The following SH3GL2 variants were observed in gnomAD, a reference collection of about 807,000 sequenced individuals.
SH3GL2 encodes the protein SH3 domain containing GRB2 like 2, endophilin A1.
A neutral mutation model predicts 46.0 loss-of-function variants in SH3GL2; 24 were observed. The observed-to-expected ratio is 0.52, with a 90% CI of 0.38 to 0.73. The LOEUF (loss-of-function observed/expected upper bound fraction) is 0.73. Ranked by LOEUF, SH3GL2 falls within the 30% of genes least tolerant of loss-of-function variation. The pLI, the probability that SH3GL2 is intolerant of heterozygous loss-of-function variation, is 0.00. For missense variants in SH3GL2, 413 were observed against 424.2 expected (o/e 0.97, Z 0.23); for synonymous variants, 196 against 147.1 (o/e 1.33, Z -2.40).
At chr9:17,678,894 T>A (rs1433026853) in intron 1 of SH3GL2, among the ~76,000 whole-genome samples, 1 of 152,190 alleles carries the variant, frequency 6.6e-6, no homozygotes, top group Non-Finnish European at 1.5e-5. Flanking sequence ...AGGGAATCCT[T>A]TCCCCATTTC....
chr9:17,583,512 T>A (rs1474904743), intron 1 of SH3GL2, among the ~76,000 whole-genome samples: 1 of 152,230 alleles, frequency 6.6e-6, no homozygotes, highest in African/African-American at 2.4e-5. Context: ...AATCTGTTAG[T>A]GCCTTCATCT....
intron 1 of SH3GL2, among the ~76,000 whole-genome samples, chr9:17,601,499 TG>T: frequency 6.6e-6 from 1 of 152,238 alleles, no homozygotes; most frequent in East Asian, 1.9e-4. Context: ...TTCATAGGAG[TG>T]GGTTTCTTTT....
At chr9:17,715,483 C>T (rs908188349) in intron 1 of SH3GL2, among the ~76,000 whole-genome samples, 1 of 151,764 alleles carries the variant, frequency 6.6e-6, no homozygotes, top group Admixed American at 6.6e-5. Context: ...TCCTATATCT[C>T]ACTGATTATT....
At chr9:17,714,865 G>A (rs1300941410) in intron 1 of SH3GL2, among the ~76,000 whole-genome samples, 1 of 151,150 alleles carries the variant, frequency 6.6e-6, no homozygotes, top group Non-Finnish European at 1.5e-5. Flanking sequence ...GGTATCATTT[G>A]TTTTTTGCTT....
Position 17,795,718 on chromosome 9 carries a change from A to T in SH3GL2, c.1034A>T (p.Glu345Val). The change falls in exon 9 of 9, where the codon GAA becomes GTA. Residue 345 changes from glutamate (E) to valine (V), a missense_variant. Physicochemically the swap from Glu to Val is moderately radical, Grantham distance 121. This residue lies in a region of SH3GL2 where 248 missense variants were observed against 215.0 expected (regional missense o/e 1.15). Transcript: ENST00000380607. ...GGCTTCTTCCCCATCAATTATGTGGAAATTCTGGTTGCCCTGCCCCATTAG... is the reference window on the plus strand; with the variant it reads ...GGCTTCTTCCCCATCAATTATGTGGTAATTCTGGTTGCCCTGCCCCATTAG... ...HSGFFPINYV[E>V]ILVALPH 6.2e-7 allele frequency: 1 copy of T among 1,613,874 alleles called. No homozygotes were observed. Among genetic ancestry groups the T allele is most frequent in the Non-Finnish European group, 8.5e-7 (1 of 1,179,890 alleles).
intron 3 of SH3GL2, among the ~76,000 whole-genome samples, chr9:17,764,686 C>G (rs1391598217): frequency 8.3e-6 from 1 of 120,676 alleles, no homozygotes; most frequent in Non-Finnish European, 1.7e-5. Context: ...TGCTTGCTGG[C>G]TTTCACATCT....
chr9:17,787,603 C>G, intron 5 of SH3GL2, 90 bp downstream of exon 5: 1 of 1,068,674 alleles, frequency 9.4e-7, no homozygotes, highest in South Asian at 1.5e-5. Flanking sequence ...TTTTAGCTTA[C>G]CCTGTGTGTT....
At chr9:17,785,966 C>G (rs1253421966) in intron 3 of SH3GL2, among the ~76,000 whole-genome samples, 1 of 152,064 alleles carries the variant, frequency 6.6e-6, no homozygotes, top group Non-Finnish European at 1.5e-5. Flanking sequence ...CCTTAGACTC[C>G]TAGAATTGAA....
intron 1 of SH3GL2, among the ~76,000 whole-genome samples, chr9:17,639,450 A>G (rs1217912612): frequency 2.0e-5 from 3 of 152,238 alleles, no homozygotes; most frequent in Non-Finnish European, 4.4e-5. Flanking sequence ...TGAAATTTCA[A>G]GGAAATGCAT....
rs552104448 is a variant in SH3GL2 at position 17,617,252 on chromosome 9, C to T, written c.45+37965C>T. Among the ~76,000 whole-genome samples the T allele has an allele frequency of 1.5e-3, 235 of 152,248 alleles. 1 individual carries two copies. Among genetic ancestry groups the T allele is most frequent in the Non-Finnish European group, 2.0e-3 (134 of 68,024 alleles). ...AATGTTTCCAGTTTGCTCCTTTGAACAATGCTGCAGTATATAAAGTTGTAC... is the reference window on the plus strand; with the variant it reads ...AATGTTTCCAGTTTGCTCCTTTGAATAATGCTGCAGTATATAAAGTTGTAC... On this transcript the variant is annotated intron_variant, in intron 1 of 8. Transcript: ENST00000380607.
Position 17,596,888 on chromosome 9 carries a change from C to T in SH3GL2, c.45+17601C>T, listed in dbSNP as rs115203821. Among the ~76,000 whole-genome samples the T allele has an allele frequency of 2.2e-3, 336 of 152,262 alleles. 2 individuals carry two copies. Among genetic ancestry groups the T allele is most frequent in the African/African-American group, 7.6e-3 (316 of 41,564 alleles). ...CTAGCAAGATCCACTGGACTGCTGACGGTGGTGGATTGCTGGGCACAAGCA... is the reference window on the plus strand; with the variant it reads ...CTAGCAAGATCCACTGGACTGCTGATGGTGGTGGATTGCTGGGCACAAGCA... On this transcript the variant is annotated intron_variant, in intron 1 of 8. Transcript: ENST00000380607.
At chr9:17,756,311 C>G (rs1001223062) in intron 2 of SH3GL2, among the ~76,000 whole-genome samples, 2 of 151,684 alleles carry the variant, frequency 1.3e-5, no homozygotes, top group African/African-American at 2.4e-5. Flanking sequence ...GTTTCACTTT[C>G]TTTTTTTTAT....
At chr9:17,753,016 C>G (rs959635300) in intron 2 of SH3GL2, among the ~76,000 whole-genome samples, 4 of 152,112 alleles carry the variant, frequency 2.6e-5, no homozygotes, top group African/African-American at 9.7e-5. Flanking sequence ...CAGGTTCATC[C>G]ATGTCCCTGC....
chr9:17,662,964 A>G (rs557827772), intron 1 of SH3GL2, among the ~76,000 whole-genome samples: 29 of 152,208 alleles, frequency 1.9e-4, no homozygotes, highest in Non-Finnish European at 3.8e-4. Flanking sequence ...CCGCCTCCCA[A>G]AGTGCTGGGA....
At chr9:17,642,834 C>T (rs181919977) in intron 1 of SH3GL2, among the ~76,000 whole-genome samples, 6 of 152,178 alleles carry the variant, frequency 3.9e-5, no homozygotes, top group African/African-American at 9.6e-5. Flanking sequence ...GCTATATGGA[C>T]TTTTTTGGTT....
intron 1 of SH3GL2, among the ~76,000 whole-genome samples, chr9:17,726,253 G>A (rs1414535385): frequency 1.3e-5 from 2 of 152,114 alleles, no homozygotes; most frequent in African/African-American, 4.8e-5. Flanking sequence ...CCAGCAGAGT[G>A]ACATTTAGCT....
Position 17,579,169 on chromosome 9 carries a change from GC to G in SH3GL2, c.-70del. On this transcript the variant is annotated 5_prime_UTR_variant, in exon 1 of 9. Transcript: ENST00000380607. ...CCAGAGGCGGCCAGGGGAGCGCGCC[GC>G]CCCGCTCGGCCCTCCAGTCCCCCTC... The G allele has an allele frequency of 8.8e-7, 1 of 1,142,576 alleles. No individual in the cohort carries two copies. 70.8% of individuals were successfully genotyped at this position (1,142,576 alleles called of 1,614,324 possible).
At chr9:17,746,802 G>A (rs1428349385) in intron 1 of SH3GL2, among the ~76,000 whole-genome samples, 1 of 152,168 alleles carries the variant, frequency 6.6e-6, no homozygotes, top group African/African-American at 2.4e-5. Flanking sequence ...ATAATGATTT[G>A]TTTGATAGAA....
intron 1 of SH3GL2, among the ~76,000 whole-genome samples, chr9:17,626,832 A>G (rs957333613): frequency 3.3e-5 from 5 of 152,128 alleles, no homozygotes; most frequent in Admixed American, 2.6e-4. Context: ...TCTCTCATAG[A>G]TATCTGAGCA....
Sources: allele counts gnomAD v4.1 joint callset (sites outside exome capture counted in the v4.1 genomes callset), GRCh38; gene constraint gnomAD v4.1.1; regional missense constraint gnomAD v4.1.1; transcripts MANE v1.5; gene names NCBI Gene and HGNC (gene_info 2026-07-23, HGNC 2026-07-21).